CLDN14: variants seen among roughly 807,000 people sequenced by gnomAD.
The protein encoded by CLDN14 is claudin 14.
In CLDN14, 2 loss-of-function variants were observed where a neutral mutation model predicts 2.1. The observed-to-expected ratio is 0.96, with a 90% CI of 0.39 to 3.01. The LOEUF (loss-of-function observed/expected upper bound fraction) is 3.01. Ranked by LOEUF, CLDN14 falls within the 30% of genes most tolerant of loss-of-function variation. CLDN14 has a pLI of 0.09. For synonymous variants in CLDN14, 136 were observed against 154.4 expected, an observed-to-expected ratio of 0.88 and a Z score of 0.88; for missense variants, 298 against 328.0, an observed-to-expected ratio of 0.91 and a Z score of 0.71.
chr21:36,525,488 T>C (rs2087318153), intron 1 of CLDN14, among the ~76,000 whole-genome samples: 1 of 151,384 alleles, frequency 6.6e-6, no homozygotes, highest in Non-Finnish European at 1.5e-5. Context: ...GGGATGATGA[T>C]GGGGGTTGGA....
intron 2 of CLDN14, among the ~76,000 whole-genome samples, chr21:36,503,646 C>T (rs2087107475): frequency 6.6e-6 from 1 of 152,072 alleles, no homozygotes; most frequent in South Asian, 2.1e-4. Flanking sequence ...TGTAAATTGC[C>T]CAGTCTTGGG....
At chr21:36,537,760 CT>C (rs1238085573) in intron 1 of CLDN14, among the ~76,000 whole-genome samples, 1 of 151,990 alleles carries the variant, frequency 6.6e-6, no homozygotes, top group Admixed American at 6.6e-5. Context: ...AGCAATTCCC[CT>C]GCCTCAGCCT....
rs559333405 is a variant in CLDN14 at position 36,534,783 on chromosome 21, C to T, written c.-219-24283G>A. Among the ~76,000 whole-genome samples, 89 of 152,294 alleles carry T rather than the reference C, an allele frequency of 5.8e-4. 1 individual carries two copies. Among genetic ancestry groups the T allele is most frequent in the Middle Eastern group, 3.4e-3 (1 of 294 alleles). On this transcript the variant is annotated intron_variant, in intron 1 of 2. Transcript: ENST00000342108. ...TCCTGCTCTTGCTCATTCCCCTGGG[C>T]AAGGTGTCAGTCTCAGGCTGTGTAA...
Position 36,497,622 on chromosome 21 carries a change from G to C in CLDN14, c.-82+12741C>G, listed in dbSNP as rs1427998496. Among the ~76,000 whole-genome samples the C allele has an allele frequency of 2.0e-5, 3 of 152,016 alleles. No individual in the cohort carries two copies. In the East Asian group the frequency reaches 5.8e-4, roughly 29 times the overall value. ...AGGTTTTGCACAAATCATCTTAAAGGCCTGACCTAAGCCCGGAAAGCCGGA... is the reference window on the plus strand; with the variant it reads ...AGGTTTTGCACAAATCATCTTAAAGCCCTGACCTAAGCCCGGAAAGCCGGA... On this transcript the variant is annotated intron_variant, in intron 2 of 2. Coordinates refer to the CLDN14 transcript ENST00000342108.
intron 1 of CLDN14, among the ~76,000 whole-genome samples, chr21:36,574,573 G>A (rs1309348881): frequency 6.6e-6 from 1 of 152,004 alleles, no homozygotes; most frequent in Non-Finnish European, 1.5e-5. Flanking sequence ...GACTATCAAG[G>A]GCTCAAGGGA....
At chr21:36,545,946 G>C (rs1601632434) in intron 1 of CLDN14, among the ~76,000 whole-genome samples, 1 of 152,158 alleles carries the variant, frequency 6.6e-6, no homozygotes, top group Admixed American at 6.5e-5. Flanking sequence ...GAGCCCTTCA[G>C]CCCTCCCTCC....
intron 1 of CLDN14, among the ~76,000 whole-genome samples, chr21:36,571,109 G>A (rs532598232): frequency 6.6e-6 from 1 of 152,332 alleles, no homozygotes; most frequent in Admixed American, 6.5e-5. Flanking sequence ...GAAAGTGCTG[G>A]GATTACAGGC....
In CLDN14 at chr21:36,530,094, G is replaced by A. The variant is rs573815144; in HGVS notation, c.-219-19594C>T. ...AGTCTTTGCATCGGATTTCAGTTCC[G>A]AGGCGGGCCGGGAAGGGATGTGGAT... On this transcript the variant is annotated intron_variant, in intron 1 of 2. Coordinates refer to the CLDN14 transcript ENST00000342108. 9.2e-5 allele frequency among the ~76,000 whole-genome samples: 14 copies of A among 152,316 alleles called. No homozygotes were observed. The South Asian group carries it at 2.9e-3, about 32-fold the overall frequency.
In CLDN14 at chr21:36,499,008, T is replaced by G. The variant is rs1036282450; in HGVS notation, c.-82+11355A>C. On this transcript the variant is annotated intron_variant, in intron 2 of 2. Coordinates refer to the CLDN14 transcript ENST00000342108. The surrounding 1 kb of genome is among the most constrained non-coding windows in gnomAD (Gnocchi z 4.7). Reference sequence around the variant, plus strand: ...CCATCTGGATGAAGCACCTTTATTTTCTAATTTGGCCAGTTTCAGGGCACA... The same window carrying G: ...CCATCTGGATGAAGCACCTTTATTTGCTAATTTGGCCAGTTTCAGGGCACA... 6.6e-6 allele frequency among the ~76,000 whole-genome samples: 1 copy of G among 152,138 alleles called. No individual in the cohort carries two copies. The highest frequency in any genetic ancestry group is 2.4e-5 in the African/African-American group (1 of 41,414).
At chr21:36,541,166 A>T (rs1401879141) in intron 1 of CLDN14, among the ~76,000 whole-genome samples, 1 of 152,182 alleles carries the variant, frequency 6.6e-6, no homozygotes, top group East Asian at 1.9e-4. Context: ...AGAACATGGA[A>T]GTCAACAGTA....
intron 1 of CLDN14, among the ~76,000 whole-genome samples, chr21:36,531,448 A>G (rs1698467027): frequency 6.6e-6 from 1 of 151,884 alleles, no homozygotes; most frequent in Non-Finnish European, 1.5e-5. Context: ...TATTTTTAGT[A>G]CAGACAGGGT....
rs758631572 is a variant in CLDN14, at chr21:36,498,310, C to T, written c.-82+12053G>A. ...GCCACTGCGCCCAGACAGGAAGATG[C>T]GTTTGTGAGCCGGGACAATTGTGAG... On this transcript the variant is annotated intron_variant, in intron 2 of 2. Coordinates refer to the CLDN14 transcript ENST00000342108. This position sits in a 1 kb window ranked among gnomAD's most constrained non-coding sequence, Gnocchi z 4.9. Among the ~76,000 whole-genome samples the T allele has an allele frequency of 1.2e-4, 18 of 151,852 alleles. No individual in the cohort carries two copies. The highest frequency in any genetic ancestry group is 1.2e-4 in the African/African-American group (5 of 41,330).
intron 1 of CLDN14, among the ~76,000 whole-genome samples, chr21:36,535,806 A>G (rs980224460): frequency 6.6e-6 from 1 of 152,240 alleles, no homozygotes; most frequent in South Asian, 2.1e-4. Flanking sequence ...CTCAAAGCAC[A>G]TGAATTTTGT....
At position 36,461,411 on chromosome 21, in the gene CLDN14, G is replaced by A. The variant is rs750946312; in HGVS notation, c.285C>T (p.Cys95=). The A allele has an allele frequency of 5.0e-6, 8 of 1,613,060 alleles. No individual in the cohort carries two copies. Among genetic ancestry groups the A allele is most frequent in the African/African-American group, 1.3e-5 (1 of 74,950 alleles). Residue 95 remains cysteine, a synonymous_variant, in exon 2 of 2, where the codon TGC becomes TGT. Transcript: ENST00000399135. ...ACTTCATCCCGATGACGGCGCAGGCGCAGGCTATGCCCGAGAGCAGGCAGG... is the reference window on the plus strand; with the variant it reads ...ACTTCATCCCGATGACGGCGCAGGCACAGGCTATGCCCGAGAGCAGGCAGG... The part of the protein sequence containing the change: ...VISCLLSGIA[C]ACAVIGMKCT...
chr21:36,555,168 A>G (rs1280413987), intron 1 of CLDN14, among the ~76,000 whole-genome samples: 1 of 152,230 alleles, frequency 6.6e-6, no homozygotes, highest in African/African-American at 2.4e-5. Flanking sequence ...CTGTTCTAGA[A>G]TGCCTATAAC....
intron 1 of CLDN14, among the ~76,000 whole-genome samples, chr21:36,549,276 A>ACTCTCT (rs1555854100): frequency 3.6e-5 from 5 of 139,536 alleles, no homozygotes; most frequent in Non-Finnish European, 4.8e-5. Flanking sequence ...TTACACACAC[A>ACTCTCT]CTCTCTCTCT....
At chr21:36,561,530 A>G (rs2087635214) in intron 1 of CLDN14, among the ~76,000 whole-genome samples, 1 of 152,086 alleles carries the variant, frequency 6.6e-6, no homozygotes, top group East Asian at 1.9e-4. Context: ...CAGCTTAGCT[A>G]TCTAGTGGCC....
At chr21:36,528,195 A>G (rs1441597659) in intron 1 of CLDN14, among the ~76,000 whole-genome samples, 1 of 152,242 alleles carries the variant, frequency 6.6e-6, no homozygotes, top group Non-Finnish European at 1.5e-5. Flanking sequence ...AGTAAAAATG[A>G]AAATATTATT....
intron 1 of CLDN14, among the ~76,000 whole-genome samples, chr21:36,514,471 A>C (rs754273094): frequency 3.3e-5 from 5 of 152,164 alleles, no homozygotes; most frequent in Non-Finnish European, 5.9e-5. Flanking sequence ...GATGGTTTCA[A>C]TTGGTTGGTA....
Sources: allele counts gnomAD v4.1 joint callset (sites outside exome capture counted in the v4.1 genomes callset), GRCh38; gene constraint gnomAD v4.1.1; non-coding constraint Gnocchi (gnomAD v3.1); transcripts MANE v1.5; gene names NCBI Gene and HGNC (gene_info 2026-07-23, HGNC 2026-07-21).